KSR2: variants seen among roughly 807,000 people sequenced by gnomAD.
The protein encoded by KSR2 is kinase suppressor of ras 2.
A neutral mutation model predicts 107.8 loss-of-function variants in KSR2; 25 were observed. That is an observed-to-expected ratio of 0.23 (90% CI 0.17 to 0.32). KSR2 has a LOEUF of 0.32. Among genes scored for constraint, KSR2 ranks in the 10% least tolerant of loss-of-function variants. The pLI is 1.00. For missense variants in KSR2, 887 were observed against 1,268.9 expected (o/e 0.70, Z 4.57); for synonymous variants, 480 against 507.0 (o/e 0.95, Z 0.71).
intron 1 of KSR2, among the ~76,000 whole-genome samples, chr12:117,867,996 C>A (rs777393506): frequency 3.9e-5 from 6 of 152,164 alleles, no homozygotes; most frequent in Non-Finnish European, 8.8e-5. Flanking sequence ...TTTCTTGGGA[C>A]TTTATTTATA....
At chr12:117,953,308 C>T (rs1896418790) in intron 1 of KSR2, among the ~76,000 whole-genome samples, 1 of 152,104 alleles carries the variant, frequency 6.6e-6, no homozygotes, top group Non-Finnish European at 1.5e-5. Flanking sequence ...CCGTATAACC[C>T]AGTGATTCTG....
intron 7 of KSR2, among the ~76,000 whole-genome samples, chr12:117,562,238 C>G (rs556593815): frequency 1.7e-5 from 2 of 115,144 alleles, no homozygotes; most frequent in Admixed American, 2.4e-4. Flanking sequence ...GTGAAGAGAA[C>G]AACACGAATG....
chr12:117,626,582 A>G (rs1882528760), intron 5 of KSR2, among the ~76,000 whole-genome samples: 1 of 152,106 alleles, frequency 6.6e-6, no homozygotes, highest in Non-Finnish European at 1.5e-5. Flanking sequence ...GTTTGTTGTG[A>G]TTTCTGTTCT....
In KSR2 at chr12:117,897,525, C is replaced by T. The variant is rs377092345; in HGVS notation, c.181-37094G>A. On this transcript the variant is annotated intron_variant, in intron 1 of 19. Coordinates refer to ENST00000339824, the MANE Select transcript of KSR2 (RefSeq NM_173598.6). This position sits in a 1 kb window ranked among gnomAD's most constrained non-coding sequence, Gnocchi z 4.5. ...CTCCTGTGATTCCCAGGAGAGGGGC[C>T]GCACTCTGTCTTCACGCTGTCCCCA... is the stretch of plus-strand genomic sequence containing the variant. Among the ~76,000 whole-genome samples the T allele has an allele frequency of 2.6e-5, 4 of 152,088 alleles. No individual in the cohort carries two copies. The highest frequency in any genetic ancestry group is 4.1e-4 in the South Asian group (2 of 4,822).
Position 117,842,219 on chromosome 12 carries a change from CAA to C in KSR2, c.472+13207_472+13208del, listed in dbSNP as rs756805206. ...TTGTGGAAAGGGGTATGAAAATAAA[CAA>C]AATCATTTTAGATATGCTAGAGACT... is the stretch of plus-strand genomic sequence containing the variant. On this transcript the variant is annotated intron_variant, in intron 3 of 19. Transcript: ENST00000339824. The surrounding 1 kb of genome is among the most constrained non-coding windows in gnomAD (Gnocchi z 4.2). Among the ~76,000 whole-genome samples, 10 of 152,288 alleles carry C rather than the reference CAA, an allele frequency of 6.6e-5. No homozygotes were observed. In the South Asian group the frequency reaches 1.5e-3, roughly 22 times the overall value.
At chr12:117,820,781 T>A (rs530452860) in intron 3 of KSR2, among the ~76,000 whole-genome samples, 1 of 151,670 alleles carries the variant, frequency 6.6e-6, no homozygotes. Context: ...ATCCAGGTGC[T>A]ACCAGCAATT....
intron 1 of KSR2, among the ~76,000 whole-genome samples, chr12:117,866,513 T>C (rs1893474860): frequency 6.6e-6 from 1 of 152,256 alleles, no homozygotes; most frequent in South Asian, 2.1e-4. Flanking sequence ...GGCTTAATTT[T>C]TAAATACATG....
intron 7 of KSR2, among the ~76,000 whole-genome samples, chr12:117,575,782 A>G (rs1477018092): frequency 6.6e-6 from 1 of 152,208 alleles, no homozygotes; most frequent in Non-Finnish European, 1.5e-5. Context: ...ATTTTTGCAC[A>G]AGACGGAATA....
At chr12:117,601,109 T>C (rs889229435) in intron 5 of KSR2, among the ~76,000 whole-genome samples, 23 of 152,170 alleles carry the variant, frequency 1.5e-4, no homozygotes, top group Non-Finnish European at 4.4e-5. Flanking sequence ...CTGCTACTTG[T>C]CAGCTATAAA....
In KSR2 at chr12:117,866,459, T is replaced by C. The variant is rs975754044; in HGVS notation, c.181-6028A>G. On this transcript the variant is annotated intron_variant, in intron 1 of 19. Coordinates refer to ENST00000339824, the MANE Select transcript of KSR2 (RefSeq NM_173598.6). Reference sequence around the variant, plus strand: ...CATTTATTTTCTTCATTGCCTTCCATTTATGCCAAGTGATACTAGTTTTCC... The same window carrying C: ...CATTTATTTTCTTCATTGCCTTCCACTTATGCCAAGTGATACTAGTTTTCC... Among the ~76,000 whole-genome samples the C allele has an allele frequency of 1.6e-4, 24 of 152,250 alleles. 1 individual carries two copies. The highest frequency in any genetic ancestry group is 3.4e-4 in the Non-Finnish European group (23 of 68,044).
rs969014060 is a variant in KSR2 at position 117,860,369 on chromosome 12, C to T, written c.243G>A (p.Glu81=). The change falls in exon 2 of 20, where the codon GAG becomes GAA. Residue 81 remains glutamate, a synonymous_variant. Transcript: ENST00000339824. ...LSCKKKVALQ[E]RNAELDGFPQ... is the part of the protein sequence containing the mutation. ...GGAAGCCGTCCAGCTCCGCGTTGCG[C>T]TCCTGCAAGGCTACCTTCTTTTTGC... is the stretch of plus-strand genomic sequence containing the variant. 1.2e-6 allele frequency: 2 copies of T among 1,613,764 alleles called. No homozygotes were observed.
rs180978463 is a variant in KSR2, at chr12:117,956,191, A to G, written c.180+11885T>C. Among the ~76,000 whole-genome samples, 491 of 138,364 alleles carry G rather than the reference A, an allele frequency of 3.5e-3. 3 individuals are homozygous for G. Among genetic ancestry groups the G allele is most frequent in the African/African-American group, 0.013 (469 of 36,428 alleles). 90.8% of individuals were successfully genotyped at this position (138,364 alleles called of 152,430 possible). On this transcript the variant is annotated intron_variant, in intron 1 of 19. Coordinates refer to ENST00000339824, the MANE Select transcript of KSR2 (RefSeq NM_173598.6). ...CATGAACCTGGGAGGCGGAGCTTGC[A>G]GTGAGCCGAGATTGAGCCACTGCAC...
At chr12:117,718,370 C>A (rs7956558) in intron 4 of KSR2, among the ~76,000 whole-genome samples, 59,785 of 152,056 alleles carry the variant, frequency 0.39, 11,901 homozygotes, top group Middle Eastern at 0.48. Flanking sequence ...TGCTCAGCAA[C>A]ACTAAATTTT....
intron 14 of KSR2, among the ~76,000 whole-genome samples, chr12:117,499,460 C>G (rs949906883): frequency 6.6e-6 from 1 of 152,184 alleles, no homozygotes; most frequent in East Asian, 1.9e-4. Context: ...AAACCAGACA[C>G]ATATGTTTAT....
At chr12:117,867,049 C>T (rs1214824773) in intron 1 of KSR2, among the ~76,000 whole-genome samples, 1 of 152,144 alleles carries the variant, frequency 6.6e-6, no homozygotes, top group Non-Finnish European at 1.5e-5. Flanking sequence ...GGCACAGTGG[C>T]TCAAACCTGC....
intron 3 of KSR2, among the ~76,000 whole-genome samples, chr12:117,766,479 T>G (rs1889231743): frequency 6.6e-6 from 1 of 152,178 alleles, no homozygotes; most frequent in African/African-American, 2.4e-5. Context: ...AGGTGGTGGT[T>G]GCACAATCTT....
At chr12:117,728,382 TA>T (rs1312192381) in intron 4 of KSR2, among the ~76,000 whole-genome samples, 1 of 152,208 alleles carries the variant, frequency 6.6e-6, no homozygotes, top group Non-Finnish European at 1.5e-5. Context: ...CTGTGCTCGC[TA>T]TGGTTAAGTA....
chr12:117,778,046 AATAAAT>A (rs1299243874), intron 3 of KSR2, among the ~76,000 whole-genome samples: 1 of 152,164 alleles, frequency 6.6e-6, no homozygotes, highest in Non-Finnish European at 1.5e-5. Flanking sequence ...AAAATATTAA[AATAAAT>A]ATAATTTTTT....
At chr12:117,696,125 C>A (rs1456412257) in intron 4 of KSR2, among the ~76,000 whole-genome samples, 1 of 152,136 alleles carries the variant, frequency 6.6e-6, no homozygotes, top group Non-Finnish European at 1.5e-5. Flanking sequence ...AAAGTAAATG[C>A]CAAGTTTATG....
Sources: allele counts gnomAD v4.1 joint callset (sites outside exome capture counted in the v4.1 genomes callset), GRCh38; gene constraint gnomAD v4.1.1; non-coding constraint Gnocchi (gnomAD v3.1); transcripts MANE v1.5; gene names NCBI Gene and HGNC (gene_info 2026-07-23, HGNC 2026-07-21).